Variants in GPC5 observed in about 807,000 individuals in gnomAD.
GPC5 encodes glypican 5.
A neutral mutation model predicts 53.9 loss-of-function variants in GPC5; 47 were observed. The ratio of observed to expected loss-of-function variants is 0.87; its 90% CI spans 0.69 to 1.11. The LOEUF is 1.11. Among genes scored for constraint, GPC5 ranks in the 50% most tolerant of loss-of-function variants. The probability of loss-of-function intolerance (pLI) is 0.00; values close to 1 mark genes in which losing one functional copy is unlikely to be tolerated. For missense variants in GPC5, 748 were observed against 713.1 expected (o/e 1.05, Z -0.56); for synonymous variants, 286 against 263.3 (o/e 1.09, Z -0.84).
At chr13:92,494,290 C>T (rs961477239) in intron 7 of GPC5, among the ~76,000 whole-genome samples, 2 of 152,070 alleles carry the variant, frequency 1.3e-5, no homozygotes, top group Non-Finnish European at 2.9e-5. Context: ...GGGGTTTCAC[C>T]GTGTTAGCCA....
At chr13:92,524,557 C>CA (rs1881202972) in intron 7 of GPC5, among the ~76,000 whole-genome samples, 1 of 152,024 alleles carries the variant, frequency 6.6e-6, no homozygotes, top group African/African-American at 2.4e-5. Context: ...TATGTATAAT[C>CA]AAAAGAACAG....
At chr13:91,981,898 G>A (rs1019151369) in intron 6 of GPC5, among the ~76,000 whole-genome samples, 12 of 152,194 alleles carry the variant, frequency 7.9e-5, no homozygotes, top group Admixed American at 2.0e-4. Context: ...TGAAGGATAA[G>A]AGTTAGCTCA....
At chr13:92,350,424 A>G (rs908929254) in intron 7 of GPC5, among the ~76,000 whole-genome samples, 5 of 152,212 alleles carry the variant, frequency 3.3e-5, no homozygotes, top group Admixed American at 6.5e-5. Context: ...TATGCTAAGT[A>G]AAACAAGGTA....
intron 7 of GPC5, among the ~76,000 whole-genome samples, chr13:92,322,331 T>C (rs1344422796): frequency 1.3e-5 from 2 of 151,046 alleles, no homozygotes; most frequent in Admixed American, 1.3e-4. Flanking sequence ...ATTTAGGGCA[T>C]AAAATAAAAA....
chr13:92,844,444 C>A (rs1878533441), intron 7 of GPC5, among the ~76,000 whole-genome samples: 1 of 152,068 alleles, frequency 6.6e-6, no homozygotes, highest in African/African-American at 2.4e-5. Context: ...TAAAGGAAAT[C>A]TGGCAGAAGA....
At chr13:91,477,557 T>C (rs1883001878) in intron 2 of GPC5, among the ~76,000 whole-genome samples, 2 of 152,146 alleles carry the variant, frequency 1.3e-5, no homozygotes, top group Non-Finnish European at 2.9e-5. Context: ...CAAAATAGGT[T>C]TAGTTGGACA....
intron 7 of GPC5, among the ~76,000 whole-genome samples, chr13:92,486,974 G>A (rs550827670): frequency 6.6e-6 from 1 of 152,110 alleles, no homozygotes; most frequent in African/African-American, 2.4e-5. Flanking sequence ...TCCTGTCTCA[G>A]CCTCTCAAGT....
At chr13:92,079,384 C>G (rs1175284882) in intron 6 of GPC5, among the ~76,000 whole-genome samples, 1 of 152,216 alleles carries the variant, frequency 6.6e-6, no homozygotes, top group Non-Finnish European at 1.5e-5. Flanking sequence ...CCCACATCCA[C>G]TCATCACCTA....
intron 7 of GPC5, among the ~76,000 whole-genome samples, chr13:92,653,385 T>G (rs981153720): frequency 6.6e-6 from 1 of 152,156 alleles, no homozygotes; most frequent in Non-Finnish European, 1.5e-5. Flanking sequence ...GTTGAAGAGT[T>G]GTTGATAGGG....
At chr13:92,734,441 T>C (rs1239915172) in intron 7 of GPC5, among the ~76,000 whole-genome samples, 3 of 151,930 alleles carry the variant, frequency 2.0e-5, no homozygotes, top group African/African-American at 7.2e-5. Flanking sequence ...CACTAAGCTT[T>C]GTATAGCTCA....
intron 7 of GPC5, among the ~76,000 whole-genome samples, chr13:92,290,212 A>G (rs948492495): frequency 2.3e-4 from 35 of 152,350 alleles, no homozygotes; most frequent in African/African-American, 8.2e-4. Context: ...CGTAGTTGGT[A>G]ATTGATTATG....
intron 6 of GPC5, among the ~76,000 whole-genome samples, chr13:91,977,604 C>G (rs975885423): frequency 1.3e-5 from 2 of 151,874 alleles, no homozygotes; most frequent in African/African-American, 4.8e-5. Flanking sequence ...GGGAAATAGA[C>G]AATGCAAAAA....
intron 5 of GPC5, among the ~76,000 whole-genome samples, chr13:91,849,802 G>C (rs1219094791): frequency 6.6e-6 from 1 of 152,128 alleles, no homozygotes; most frequent in Non-Finnish European, 1.5e-5. Context: ...TATCAGAAAA[G>C]AGTGGTCATT....
rs186479224 is a variant in GPC5, at chr13:92,813,377, G to C, written c.1562-52905G>C. ...TAATGAACACGTTTTAAATAAAAACGTAGTTCTTACTTGAAAGTTCTAATA... is the reference window on the plus strand; with the variant it reads ...TAATGAACACGTTTTAAATAAAAACCTAGTTCTTACTTGAAAGTTCTAATA... On this transcript the variant is annotated intron_variant, in intron 7 of 7. Coordinates refer to ENST00000377067, the MANE Select transcript of GPC5 (RefSeq NM_004466.6). 1.5e-3 allele frequency among the ~76,000 whole-genome samples: 233 copies of C among 151,964 alleles called. 2 individuals carry two copies. The highest frequency in any genetic ancestry group is 9.6e-4 in the Non-Finnish European group (65 of 67,994).
chr13:92,041,433 G>T (rs1439099162), intron 6 of GPC5, among the ~76,000 whole-genome samples: 1 of 152,174 alleles, frequency 6.6e-6, no homozygotes, highest in Non-Finnish European at 1.5e-5. Context: ...CACTGACCTT[G>T]ACGGGCAGAA....
At chr13:92,776,934 G>A (rs1875830086) in intron 7 of GPC5, among the ~76,000 whole-genome samples, 1 of 144,072 alleles carries the variant, frequency 6.9e-6, no homozygotes, top group Non-Finnish European at 1.5e-5. Flanking sequence ...TGAGCAGGAG[G>A]ATATGTTGAG....
At chr13:91,520,104 C>A (rs1356571447) in intron 2 of GPC5, among the ~76,000 whole-genome samples, 2 of 151,710 alleles carry the variant, frequency 1.3e-5, no homozygotes, top group African/African-American at 4.8e-5. Context: ...AATAGTGGAA[C>A]CATAAAAAAA....
intron 7 of GPC5, among the ~76,000 whole-genome samples, chr13:92,173,370 C>T (rs2042084387): frequency 6.6e-6 from 1 of 152,042 alleles, no homozygotes; most frequent in African/African-American, 2.4e-5. Flanking sequence ...ATGTGAAGAC[C>T]CTGATATCTC....
chr13:92,449,029 T>C (rs907851913), intron 7 of GPC5: 13 of 151,124 alleles, frequency 8.6e-5, no homozygotes, highest in Admixed American at 8.6e-4. Flanking sequence ...GCAGTTCTGG[T>C]AACTCTCAGG....
Sources: gnomAD v4.1 joint callset for allele counts (sites outside exome capture counted in the v4.1 genomes callset) on GRCh38, gnomAD v4.1.1 for gene constraint, MANE v1.5 for transcripts, NCBI Gene and HGNC (gene_info 2026-07-23, HGNC 2026-07-21) for gene names.